The following DICER1 variants were observed in gnomAD, a reference collection of about 807,000 sequenced individuals.
The protein encoded by DICER1 is endoribonuclease Dicer.
DICER1 carries 43 observed loss-of-function variants against 194.1 expected under a neutral mutation model. The observed-to-expected ratio is 0.22, with a 90% CI of 0.17 to 0.29. The LOEUF is 0.29. DICER1 is among the 10% of genes least tolerant of loss of function. The pLI is 1.00. For missense variants in DICER1, 1,608 were observed against 2,317.0 expected (o/e 0.69, Z 6.28); for synonymous variants, 832 against 820.5 (o/e 1.01, Z -0.24).
intron 26 of DICER1, 28 bp downstream of exon 26, chr14:95,091,006 G>GT (rs1212228375): frequency 6.3e-7 from 1 of 1,594,150 alleles, no homozygotes; most frequent in South Asian, 1.1e-5. Context: ...TTAAGTTAAT[G>GT]TTTTTTCCAT....
intron 1 of DICER1, among the ~76,000 whole-genome samples, chr14:95,135,034 TTTTTC>T (rs1255648947): frequency 6.6e-6 from 1 of 152,130 alleles, no homozygotes; most frequent in African/African-American, 2.4e-5. Flanking sequence ...CAGTTAAACT[TTTTTC>T]TTAATACAAC....
rs1160478379 is a variant in DICER1 at position 95,095,833 on chromosome 14, G to C, written c.5087C>G (p.Thr1696Ser). The C allele has an allele frequency of 6.2e-7, 1 of 1,614,098 alleles. No homozygotes were observed. The highest frequency in any genetic ancestry group is 1.1e-5 in the South Asian group (1 of 91,086). The change falls in exon 23 of 27, where the codon ACT becomes AGT. Residue 1696 changes from threonine to serine, a missense_variant. By Grantham distance (58) the Thr-to-Ser change is moderately conservative. This residue lies in a region of DICER1 where 138 missense variants were observed against 298.3 expected (regional missense o/e 0.46). Coordinates refer to ENST00000343455, the MANE Select transcript of DICER1 (RefSeq NM_177438.3). The part of the protein sequence containing the change: ...AFTHASYHYN[T>S]ITDCYQRLEF... Reference sequence around the variant, plus strand: ...GGTCGTGGGCTCCTTACCAGTGATAGTATTGTAGTGGTAGGAGGCATGTGT... The same window carrying C: ...GGTCGTGGGCTCCTTACCAGTGATACTATTGTAGTGGTAGGAGGCATGTGT...
chr14:95,124,644 A>G lies in DICER1; in HGVS notation c.928T>C (p.Leu310=), dbSNP rs768032223. 1 of 1,613,612 alleles carries G rather than the reference A, an allele frequency of 6.2e-7. No homozygotes were observed. The highest frequency in any genetic ancestry group is 8.5e-7 in the Non-Finnish European group (1 of 1,179,902). The part of the protein sequence containing the change: ...KQILSDCRAV[L]VVLGPWCADK... Reference sequence around the variant, plus strand: ...GCACACCAGGGTCCCAGAACTACCAATACGGCACGACAGTCTGATAGTATC... The same window carrying G: ...GCACACCAGGGTCCCAGAACTACCAGTACGGCACGACAGTCTGATAGTATC... Residue 310 remains leucine, a synonymous_variant, in exon 8 of 27, where the codon TTG becomes CTG. Transcript: ENST00000343455. The surrounding 1 kb of genome is among the most constrained non-coding windows in gnomAD (Gnocchi z 4.5).
In DICER1 at chr14:95,088,095, T is replaced by A. The variant is rs1182376874; in HGVS notation, c.*2403A>T. ...CAGGGGATCACAGAATGCTTCAAAC[T>A]GTGAGTCAAATTAAAATCTACTATT... On this transcript the variant is annotated 3_prime_UTR_variant, in exon 27 of 27. Coordinates refer to ENST00000343455, the MANE Select transcript of DICER1 (RefSeq NM_177438.3). The A allele has an allele frequency of 4.3e-6, 1 of 232,784 alleles. No individual in the cohort carries two copies. The highest frequency in any genetic ancestry group is 8.5e-6 in the Non-Finnish European group (1 of 117,630). The allele number at this position is 232,784 out of a possible 1,614,324, so 14.4% of individuals were successfully genotyped here. A position where few individuals can be genotyped will look rare whatever the true frequency, so the allele number is the denominator to read the frequency against.
intron 1 of DICER1, among the ~76,000 whole-genome samples, chr14:95,149,069 A>T (rs1391369309): frequency 6.6e-6 from 1 of 152,148 alleles, no homozygotes; most frequent in Non-Finnish European, 1.5e-5. Context: ...GACTACAGGC[A>T]CATACTTTAC....
At chr14:95,146,538 A>G (rs142655962) in intron 1 of DICER1, among the ~76,000 whole-genome samples, 1 of 152,340 alleles carries the variant, frequency 6.6e-6, no homozygotes, top group Admixed American at 6.5e-5. Context: ...TTCATTGCTC[A>G]ATAAAATTTA....
rs1464876003 is a variant in DICER1, at chr14:95,095,847, G to C, written c.5073C>G (p.Ser1691=). 6.2e-7 allele frequency: 1 copy of C among 1,614,168 alleles called. No homozygotes were observed. Among genetic ancestry groups the C allele is most frequent in the Middle Eastern group, 1.6e-4 (1 of 6,062 alleles). Reference sequence around the variant, plus strand: ...TACCAGTGATAGTATTGTAGTGGTAGGAGGCATGTGTAAAAGCCTGGAGAA... The same window carrying C: ...TACCAGTGATAGTATTGTAGTGGTACGAGGCATGTGTAAAAGCCTGGAGAA... ...AYLLQAFTHA[S]YHYNTITDCY... Residue 1691 remains serine, a synonymous_variant, in exon 23 of 27, where the codon TCC becomes TCG. Transcript: ENST00000343455.
At chr14:95,115,611 A>T in intron 11 of DICER1, 56 bp downstream of exon 11, 1 of 1,584,210 alleles carries the variant, frequency 6.3e-7, no homozygotes, top group Non-Finnish European at 8.7e-7. Flanking sequence ...GTACAGGTTT[A>T]GACTTAAACT....
chr14:95,103,756 T>G lies in DICER1; in HGVS notation c.3640A>C (p.Thr1214Pro). 1 of 1,614,184 alleles carries G rather than the reference T, an allele frequency of 6.2e-7. No individual in the cohort carries two copies. Among genetic ancestry groups the G allele is most frequent in the Non-Finnish European group, 8.5e-7 (1 of 1,180,028 alleles). Residue 1214 changes from threonine (T) to proline (P), a missense_variant, in exon 21 of 27, where the codon ACT (threonine) becomes CCT (proline). Transcript: ENST00000343455. The part of the protein sequence containing the change: ...YYKQEIPVQP[T>P]TSYSIQNLYS... Reference sequence around the variant, plus strand: ...AAATTCTGAATGGAATATGAGGTAGTTGGTTGCACGGGTATTTCCTGCTTG... The same window carrying G: ...AAATTCTGAATGGAATATGAGGTAGGTGGTTGCACGGGTATTTCCTGCTTG...
intron 26 of DICER1, 27 bp from the exon 27 acceptor site, chr14:95,090,690 T>C: frequency 6.2e-7 from 1 of 1,613,352 alleles, no homozygotes. Context: ...CAGCTTGAAT[T>C]AGAAGTCAGA....
At position 95,152,260 on chromosome 14, in the gene DICER1, T is replaced by C. The variant is rs183974553; in HGVS notation, c.-46+4970A>G. On this transcript the variant is annotated intron_variant, in intron 1 of 26. Transcript: ENST00000343455. ...TCTTAACACTTCCCTCAGTCTGCAA[T>C]GTTTCTGTGCACATAATCATACGTA... is the stretch of plus-strand genomic sequence containing the variant. 2.0e-5 allele frequency among the ~76,000 whole-genome samples: 3 copies of C among 152,354 alleles called. No homozygotes were observed. In the East Asian group the frequency reaches 5.8e-4, roughly 29 times the overall value.
intron 11 of DICER1, among the ~76,000 whole-genome samples, chr14:95,114,227 G>A (rs1892235888): frequency 1.3e-5 from 2 of 152,178 alleles, no homozygotes; most frequent in Admixed American, 1.3e-4. Context: ...CATCAAGGCT[G>A]GGGCAGTCTA....
intron 3 of DICER1, among the ~76,000 whole-genome samples, chr14:95,132,212 T>C (rs574975322): frequency 2.2e-4 from 33 of 152,322 alleles, no homozygotes; most frequent in South Asian, 1.2e-3. Context: ...TTTGACATAC[T>C]TGGTGAAGCT....
At chr14:95,138,593 T>C (rs1282628715) in intron 1 of DICER1, among the ~76,000 whole-genome samples, 1 of 152,152 alleles carries the variant, frequency 6.6e-6, no homozygotes, top group Non-Finnish European at 1.5e-5. Context: ...CACTACACTC[T>C]GTGATATCTA....
chr14:95,129,351 C>A, intron 6 of DICER1, 121 bp downstream of exon 6: 3 of 902,942 alleles, frequency 3.3e-6, no homozygotes, highest in South Asian at 2.8e-5. Context: ...CTTGCCCATT[C>A]CTTTTTACTG....
chr14:95,130,236 C>CA, intron 4 of DICER1, 44 bp from the exon 5 acceptor site: 2 of 1,580,366 alleles, frequency 1.3e-6, no homozygotes, highest in Non-Finnish European at 1.7e-6. Flanking sequence ...GCATTCACTG[C>CA]CTGGATATAC....
At chr14:95,108,949 A>G (rs796455361) in intron 14 of DICER1, among the ~76,000 whole-genome samples, 8 of 152,330 alleles carry the variant, frequency 5.3e-5, no homozygotes, top group African/African-American at 1.9e-4. Context: ...GCCTTTATTA[A>G]CATTTTGATA....
At chr14:95,151,701 G>A (rs1895524943) in intron 1 of DICER1, among the ~76,000 whole-genome samples, 1 of 152,176 alleles carries the variant, frequency 6.6e-6, no homozygotes, top group Non-Finnish European at 1.5e-5. Context: ...ATTTAACTCT[G>A]CAAAGTGGAA....
rs755990897 is a variant in DICER1, at chr14:95,117,895, C to T, written c.1377-141G>A. 3 of 738,904 alleles carry T rather than the reference C, an allele frequency of 4.1e-6. No homozygotes were observed. The South Asian group carries it at 5.3e-5, about 13-fold the overall frequency. The allele number at this position is 738,904 out of a possible 1,614,324, so 45.8% of individuals were successfully genotyped here. The stretch of plus-strand genomic sequence containing the variant: ...AACGGTCTTGGTCCTTTTTTCCCAA[C>T]TTGCTTAAACAGAAATCACTGTCAC... On this transcript the variant is annotated intron_variant, in intron 8 of 26. Transcript: ENST00000343455.
Sources: gnomAD v4.1 joint callset for allele counts (sites outside exome capture counted in the v4.1 genomes callset) on GRCh38, gnomAD v4.1.1 for gene constraint, gnomAD v4.1.1 regional missense constraint, Gnocchi (gnomAD v3.1) non-coding constraint, MANE v1.5 for transcripts, NCBI Gene and HGNC (gene_info 2026-07-23, HGNC 2026-07-21) for gene names.